SERPINE2: variants seen among roughly 807,000 people sequenced by gnomAD.
SERPINE2 encodes serpin family E member 2.
SERPINE2 carries 14 observed loss-of-function variants against 36.3 expected under a neutral mutation model. The ratio of observed to expected loss-of-function variants is 0.39; its 90% CI spans 0.25 to 0.60. The LOEUF (loss-of-function observed/expected upper bound fraction) is 0.60. Ranked by LOEUF, SERPINE2 falls within the 20% of genes least tolerant of loss-of-function variation. SERPINE2 has a pLI of 0.57. For synonymous variants in SERPINE2, 192 were observed against 191.8 expected (o/e 1.00, Z -0.01); for missense variants, 418 against 499.6 (o/e 0.84, Z 1.56).
At chr2:223,976,675 C>T (rs6730639) in intron 8 of SERPINE2, among the ~76,000 whole-genome samples, 8,209 of 152,268 alleles carry the variant, frequency 0.054, 385 homozygotes, top group East Asian at 0.21. Flanking sequence ...CAAAGATGAA[C>T]TTATACTTCA....
intron 3 of SERPINE2, among the ~76,000 whole-genome samples, chr2:223,997,387 AT>A (rs1690933634): frequency 6.6e-6 from 1 of 152,022 alleles, no homozygotes; most frequent in Non-Finnish European, 1.5e-5. Flanking sequence ...TGTCTGGCTA[AT>A]TTTTGTATTT....
At chr2:223,998,042 C>T in intron 3 of SERPINE2, 73 bp downstream of exon 3, 1 of 1,273,570 alleles carries the variant, frequency 7.9e-7, no homozygotes, top group Admixed American at 1.7e-5. Context: ...GCAGACACCA[C>T]TTTGAACCCT....
intron 1 of SERPINE2, among the ~76,000 whole-genome samples, chr2:224,015,536 C>T (rs1238368121): frequency 6.6e-6 from 1 of 152,224 alleles, no homozygotes; most frequent in African/African-American, 2.4e-5. Flanking sequence ...ATACCATCAT[C>T]ACCTTACAGC....
chr2:224,010,267 G>C (rs1691577941), intron 1 of SERPINE2: 1 of 772,182 alleles, frequency 1.3e-6, no homozygotes, highest in East Asian at 1.3e-4. Context: ...ATTTTTGTCT[G>C]CCTTCAAAGT....
chr2:223,979,190 T>A (rs1414443047), intron 7 of SERPINE2: 1 of 152,224 alleles, frequency 6.6e-6, no homozygotes, highest in East Asian at 1.9e-4. Flanking sequence ...GGTTTAATAC[T>A]CTGCTGTTGC....
chr2:224,022,981 G>GC lies in SERPINE2; in HGVS notation c.-23+16117dup, dbSNP rs1692060546. Among the ~76,000 whole-genome samples, 14 of 152,184 alleles carry GC rather than the reference G, an allele frequency of 9.2e-5. 1 individual carries two copies. The highest frequency in any genetic ancestry group is 9.2e-4 in the Admixed American group (14 of 15,282). The stretch of plus-strand genomic sequence containing the variant: ...CTGTCACCCTGTGAAGAAGGTGCCT[G>GC]CTTTTCCTTTGCCTTCCACCATGAT... On this transcript the variant is annotated intron_variant, in intron 1 of 8. Coordinates refer to ENST00000409304, the MANE Select transcript of SERPINE2 (RefSeq NM_001136528.2).
chr2:224,001,957 C>T (rs745879163), intron 1 of SERPINE2, 35 bp from the exon 2 acceptor site: 3 of 1,531,870 alleles, frequency 2.0e-6, no homozygotes, highest in African/African-American at 2.8e-5. Flanking sequence ...TTAAATTATA[C>T]TTAAATGGGT....
intron 4 of SERPINE2, among the ~76,000 whole-genome samples, chr2:223,985,965 G>A (rs953559974): frequency 2.0e-5 from 3 of 152,308 alleles, no homozygotes; most frequent in Admixed American, 1.3e-4. Flanking sequence ...ACATCTTAGG[G>A]AGTTCAGCAA....
chr2:224,002,131 CAT>C, intron 1 of SERPINE2, among the ~76,000 whole-genome samples: 1 of 151,912 alleles, frequency 6.6e-6, no homozygotes, highest in Non-Finnish European at 1.5e-5. Flanking sequence ...CGTGTACCAC[CAT>C]ACACGGCTAA....
intron 1 of SERPINE2, among the ~76,000 whole-genome samples, chr2:224,026,444 G>A (rs1027566049): frequency 6.6e-6 from 1 of 152,002 alleles, no homozygotes; most frequent in Non-Finnish European, 1.5e-5. Context: ...AAGCAACCTC[G>A]ATAAGCATTC....
chr2:223,999,156 A>T (rs1691007638), intron 2 of SERPINE2, among the ~76,000 whole-genome samples: 1 of 152,222 alleles, frequency 6.6e-6, no homozygotes, highest in African/African-American at 2.4e-5. Context: ...AAAAATTACC[A>T]TGGGCCACCA....
intron 3 of SERPINE2, among the ~76,000 whole-genome samples, chr2:223,993,781 G>A (rs755273555): frequency 6.6e-6 from 1 of 152,116 alleles, no homozygotes; most frequent in Non-Finnish European, 1.5e-5. Context: ...GTGCTGCTAA[G>A]ACAGTTCCAT....
intron 1 of SERPINE2, among the ~76,000 whole-genome samples, chr2:224,006,469 T>G (rs1423941542): frequency 6.6e-6 from 1 of 152,194 alleles, no homozygotes; most frequent in Non-Finnish European, 1.5e-5. Context: ...TGTGTGATGT[T>G]TTTCCTGATT....
chr2:224,034,611 T>A (rs764095837), intron 1 of SERPINE2, among the ~76,000 whole-genome samples: 2 of 152,114 alleles, frequency 1.3e-5, no homozygotes, highest in African/African-American at 2.4e-5. Context: ...GGGTCAAGAC[T>A]CTGCCCTAAG....
intron 3 of SERPINE2, among the ~76,000 whole-genome samples, chr2:223,993,526 A>G (rs1690756102): frequency 1.3e-5 from 1 of 77,028 alleles, no homozygotes; most frequent in Non-Finnish European, 2.9e-5. Context: ...ATTAGCTCAA[A>G]TATATGTGTG....
intron 2 of SERPINE2, 95 bp from the exon 3 acceptor site, chr2:223,998,437 GC>G: frequency 1.1e-6 from 1 of 900,894 alleles, no homozygotes; most frequent in Non-Finnish European, 1.7e-6. Flanking sequence ...AACAGTATAG[GC>G]CAGGTGCAGT....
intron 6 of SERPINE2, 152 bp downstream of exon 6, chr2:223,982,529 G>A (rs1690260087): frequency 4.2e-6 from 2 of 476,292 alleles, no homozygotes; most frequent in East Asian, 6.8e-5. Flanking sequence ...AATAAACGAA[G>A]GCCAATAGCA....
At position 223,982,756 on chromosome 2, in the gene SERPINE2, A is replaced by T; in HGVS notation, c.910T>A (p.Leu304Met). 6.2e-7 allele frequency: 1 copy of T among 1,613,892 alleles called. No homozygotes were observed. Among genetic ancestry groups the T allele is most frequent in the South Asian group, 1.1e-5 (1 of 91,012 alleles). The change falls in exon 6 of 9, where the codon TTG becomes ATG. Residue 304 changes from leucine to methionine, a missense_variant. Leu to Met is a conservative substitution (Grantham distance 15). Transcript: ENST00000409304. ...CCAAGAACTTTCAGCGGCTCCTTCA[A>T]ATCTGTTTGTGCTACAGCTGTGAAC... ...PKFTAVAQTD[L>M]KEPLKVLGIT... is the part of the protein sequence containing the mutation.
intron 4 of SERPINE2, among the ~76,000 whole-genome samples, chr2:223,988,388 TC>T (rs145292397): frequency 0.031 from 4,749 of 152,166 alleles, 215 homozygotes; most frequent in African/African-American, 0.093. Context: ...CCGAGGATCA[TC>T]TTGAACTCCC....
Sources: allele counts gnomAD v4.1 joint callset (sites outside exome capture counted in the v4.1 genomes callset), GRCh38; gene constraint gnomAD v4.1.1; transcripts MANE v1.5; gene names NCBI Gene and HGNC (gene_info 2026-07-23, HGNC 2026-07-21).